Variants in ZRANB3 observed in about 807,000 individuals in gnomAD.
The protein encoded by ZRANB3 is zinc finger RANBP2-type containing 3, also known as DNA annealing helicase and endonuclease ZRANB3.
ZRANB3 carries 125 observed loss-of-function variants against 133.8 expected under a neutral mutation model. That is an observed-to-expected ratio of 0.93 (90% CI 0.81 to 1.08). The LOEUF (loss-of-function observed/expected upper bound fraction) is 1.08. Ranked by LOEUF, ZRANB3 falls within the 50% of genes least tolerant of loss-of-function variation. The probability of loss-of-function intolerance (pLI) is 0.00; values close to 1 mark genes in which losing one functional copy is unlikely to be tolerated. For missense variants in ZRANB3, 1,229 were observed against 1,275.5 expected, an observed-to-expected ratio of 0.96 and a Z score of 0.56; for synonymous variants, 387 against 432.7, an observed-to-expected ratio of 0.89 and a Z score of 1.31.
At chr2:135,326,127 C>T (rs1220369352) in intron 6 of ZRANB3, among the ~76,000 whole-genome samples, 1 of 151,986 alleles carries the variant, frequency 6.6e-6, no homozygotes, top group Non-Finnish European at 1.5e-5. Flanking sequence ...AAAAAGAACC[C>T]CAAAAAACAG....
chr2:135,333,411 A>G (rs918641108), intron 6 of ZRANB3, among the ~76,000 whole-genome samples: 1 of 152,232 alleles, frequency 6.6e-6, no homozygotes, highest in Non-Finnish European at 1.5e-5. Context: ...AATCTTTTTA[A>G]AACAATGAAT....
chr2:135,217,933 C>T (rs1217210200), intron 16 of ZRANB3, among the ~76,000 whole-genome samples: 1 of 152,144 alleles, frequency 6.6e-6, no homozygotes, highest in African/African-American at 2.4e-5. Context: ...CTGCCTTAGT[C>T]TCCTGAGTAG....
intron 5 of ZRANB3, among the ~76,000 whole-genome samples, chr2:135,346,915 C>T (rs1261627799): frequency 1.3e-5 from 2 of 152,156 alleles, no homozygotes; most frequent in Admixed American, 1.3e-4. Context: ...CCCCAAAAAA[C>T]CTCCACACCC....
At chr2:135,341,845 G>A (rs1684682873) in intron 6 of ZRANB3, among the ~76,000 whole-genome samples, 1 of 150,006 alleles carries the variant, frequency 6.7e-6, no homozygotes, top group African/African-American at 2.5e-5. Flanking sequence ...ACTAGGATTA[G>A]GAGATTCCAG....
rs1285933588 is a variant in ZRANB3 at position 135,342,563 on chromosome 2, G to A, written c.677+2987C>T. Reference sequence around the variant, plus strand: ...GGGCTCAAGTGACTGTCCTACCTTGGCCTTCCAAAGTGCTGGGATTACAGG... The same window carrying A: ...GGGCTCAAGTGACTGTCCTACCTTGACCTTCCAAAGTGCTGGGATTACAGG... On this transcript the variant is annotated intron_variant, in intron 6 of 20. Coordinates refer to ENST00000264159, the MANE Select transcript of ZRANB3 (RefSeq NM_032143.4). 1.3e-5 allele frequency among the ~76,000 whole-genome samples: 2 copies of A among 149,622 alleles called. 1 individual carries two copies. The highest frequency in any genetic ancestry group is 5.1e-5 in the African/African-American group (2 of 39,092).
In ZRANB3 at chr2:135,450,804, C is replaced by G. The variant is rs75431907; in HGVS notation, c.161+53525G>C. Among the ~76,000 whole-genome samples the G allele has an allele frequency of 4.5e-4, 68 of 152,210 alleles. 1 individual carries two copies. The East Asian group carries it at 0.012, about 26-fold the overall frequency. ...GGACCCAGATGGAGCCTCAGAATAT[C>G]CAGTCTCTGTGAGTTGAAGAGGGGG... On this transcript the variant is annotated intron_variant, in intron 2 of 20. Transcript: ENST00000264159.
chr2:135,353,696 A>C (rs1344814609), intron 3 of ZRANB3, 68 bp from the exon 4 acceptor site: 2 of 1,118,602 alleles, frequency 1.8e-6, no homozygotes, highest in Non-Finnish European at 2.4e-6. Context: ...TATTTATCAA[A>C]CATTTTATTT....
intron 2 of ZRANB3, among the ~76,000 whole-genome samples, chr2:135,427,582 C>A (rs1377050847): frequency 6.6e-6 from 1 of 152,168 alleles, no homozygotes; most frequent in South Asian, 2.1e-4. Context: ...ACGTTCCATG[C>A]TCATGAATAG....
chr2:135,329,601 C>A (rs1290614557), intron 6 of ZRANB3, among the ~76,000 whole-genome samples: 2 of 152,154 alleles, frequency 1.3e-5, no homozygotes, highest in Non-Finnish European at 2.9e-5. Flanking sequence ...TGAAGAAAGT[C>A]ATTGGTAGCG....
chr2:135,253,686 G>C (rs1239239589), intron 12 of ZRANB3, among the ~76,000 whole-genome samples: 2 of 152,134 alleles, frequency 1.3e-5, no homozygotes, highest in Admixed American at 6.5e-5. Context: ...ACATAGAAAG[G>C]GTAATACATT....
chr2:135,402,144 T>C (rs1687760907), intron 2 of ZRANB3, among the ~76,000 whole-genome samples: 4 of 152,010 alleles, frequency 2.6e-5, no homozygotes, highest in Non-Finnish European at 1.5e-5. Flanking sequence ...AATGAGGCTT[T>C]TGGAAAATAT....
At chr2:135,415,161 T>A (rs1205390315) in intron 2 of ZRANB3, among the ~76,000 whole-genome samples, 1 of 143,000 alleles carries the variant, frequency 7.0e-6, no homozygotes, top group East Asian at 2.1e-4. Context: ...AATTAATGAA[T>A]CCAGGAGCTG....
chr2:135,371,774 A>G (rs1383081671), intron 3 of ZRANB3, among the ~76,000 whole-genome samples: 1 of 152,144 alleles, frequency 6.6e-6, no homozygotes, highest in Admixed American at 6.6e-5. Context: ...TCTCCAAAAA[A>G]TTCATGTTAA....
chr2:135,498,634 G>A (rs1444285861), intron 2 of ZRANB3, among the ~76,000 whole-genome samples: 10 of 152,270 alleles, frequency 6.6e-5, no homozygotes, highest in East Asian at 5.8e-4. Flanking sequence ...CCTGAGAGCC[G>A]GGGCCATATC....
chr2:135,292,977 A>G (rs1681839522), intron 8 of ZRANB3, among the ~76,000 whole-genome samples: 1 of 152,038 alleles, frequency 6.6e-6, no homozygotes, highest in South Asian at 2.1e-4. Context: ...TACCAGTACC[A>G]TGCTGTTTTG....
chr2:135,262,992 C>T (rs941443624), intron 12 of ZRANB3, among the ~76,000 whole-genome samples: 1 of 151,804 alleles, frequency 6.6e-6, no homozygotes, highest in African/African-American at 2.4e-5. Flanking sequence ...TCTATATATC[C>T]ACCATTCAAA....
At chr2:135,482,493 T>C (rs955374365) in intron 2 of ZRANB3, among the ~76,000 whole-genome samples, 3 of 150,412 alleles carry the variant, frequency 2.0e-5, no homozygotes, top group Non-Finnish European at 3.0e-5. Flanking sequence ...CTGAAGTTGC[T>C]TATCAGCTTA....
At chr2:135,369,070 A>G (rs1686060509) in intron 3 of ZRANB3, among the ~76,000 whole-genome samples, 1 of 152,066 alleles carries the variant, frequency 6.6e-6, no homozygotes, top group South Asian at 2.1e-4. Context: ...ACATAACTTA[A>G]AACACTCTAT....
Position 135,200,345 on chromosome 2 carries a change from C to G in ZRANB3, c.3237G>C (p.Lys1079Asn), listed in dbSNP as rs1693568002. The G allele has an allele frequency of 1.3e-6, 2 of 1,589,736 alleles. No homozygotes were observed. The highest frequency in any genetic ancestry group is 1.7e-6 in the Non-Finnish European group (2 of 1,166,600). The stretch of plus-strand genomic sequence containing the variant: ...TTCATTCATATATTTTTCTACTTTA[C>G]TTCTTTACCAAAAATCGTGTGATGT... ...GSDITRFLVK[K>N] Residue 1079 changes from lysine (K) to asparagine (N), a missense_variant, in exon 21 of 21, where the codon AAG (lysine) becomes AAC (asparagine). Physicochemically the swap from Lys to Asn is moderately conservative, Grantham distance 94. Coordinates refer to ENST00000264159, the MANE Select transcript of ZRANB3 (RefSeq NM_032143.4).
Sources: allele counts gnomAD v4.1 joint callset (sites outside exome capture counted in the v4.1 genomes callset), GRCh38; gene constraint gnomAD v4.1.1; transcripts MANE v1.5; gene names NCBI Gene and HGNC (gene_info 2026-07-23, HGNC 2026-07-21).